Variants in TMEM178B observed in about 807,000 individuals in gnomAD.
TMEM178B encodes transmembrane protein 178B.
TMEM178B carries 5 observed loss-of-function variants against 31.0 expected under a neutral mutation model. The ratio of observed to expected loss-of-function variants is 0.16; its 90% CI spans 0.08 to 0.34. The LOEUF is 0.34. Among genes scored for constraint, TMEM178B ranks in the 10% least tolerant of loss-of-function variants. The pLI, the probability that TMEM178B is intolerant of heterozygous loss-of-function variation, is 1.00. For synonymous variants in TMEM178B, 164 were observed against 164.0 expected, an observed-to-expected ratio of 1.00 and a Z score of 0.00; for missense variants, 275 against 400.3, an observed-to-expected ratio of 0.69 and a Z score of 2.67.
chr7:141,245,123 A>T (rs1364541816), intron 2 of TMEM178B, among the ~76,000 whole-genome samples: 2 of 128,850 alleles, frequency 1.6e-5, no homozygotes, highest in Non-Finnish European at 3.2e-5. Flanking sequence ...AGATCGCACC[A>T]CTGGACTCCG....
At chr7:141,161,361 C>G (rs534935440) in intron 1 of TMEM178B, among the ~76,000 whole-genome samples, 1 of 151,912 alleles carries the variant, frequency 6.6e-6, no homozygotes, top group East Asian at 1.9e-4. Context: ...CAGAAAGGCT[C>G]GACGGGAAGG....
chr7:141,495,159 A>C, the TMEM178B span, among the ~76,000 whole-genome samples: 2 of 152,230 alleles, frequency 1.3e-5, no homozygotes, highest in African/African-American at 4.8e-5. Flanking sequence ...ATCCCAAAAT[A>C]GATTTCAGAG....
chr7:141,290,533 ATGTGCACACACACATACACG>A (rs777323776), intron 2 of TMEM178B, among the ~76,000 whole-genome samples: 1 of 84,350 alleles, frequency 1.2e-5, no homozygotes, highest in Non-Finnish European at 4.0e-5. Context: ...ACACATACAC[ATGTGCACACACACATACACG>A]TGCATGCACA....
chr7:141,152,918 T>C (rs1485087154), intron 1 of TMEM178B, among the ~76,000 whole-genome samples: 1 of 152,270 alleles, frequency 6.6e-6, no homozygotes, highest in African/African-American at 2.4e-5. Flanking sequence ...ACAGAGATTA[T>C]TTTATTTAAT....
At chr7:141,423,778 TAAG>T (rs1586950541) in intron 2 of TMEM178B, among the ~76,000 whole-genome samples, 3 of 151,064 alleles carry the variant, frequency 2.0e-5, no homozygotes, top group South Asian at 2.1e-4. Flanking sequence ...CAGATTTGAG[TAAG>T]AAGATTTCTA....
intron 2 of TMEM178B, among the ~76,000 whole-genome samples, chr7:141,380,772 A>C (rs1800300865): frequency 6.6e-6 from 1 of 152,204 alleles, no homozygotes; most frequent in Non-Finnish European, 1.5e-5. Context: ...AGTCATTCTC[A>C]GCTATAGTAG....
chr7:141,463,021 CTG>C (rs1422807921), intron 3 of TMEM178B, among the ~76,000 whole-genome samples: 1 of 152,174 alleles, frequency 6.6e-6, no homozygotes, highest in African/African-American at 2.4e-5. Context: ...GACGGGGACA[CTG>C]GAGCTCAGGG....
chr7:141,259,762 G>A (rs146142054), intron 2 of TMEM178B, among the ~76,000 whole-genome samples: 1 of 152,322 alleles, frequency 6.6e-6, no homozygotes, highest in African/African-American at 2.4e-5. Context: ...CCAGCAATTG[G>A]TCAGAGGCTA....
intron 3 of TMEM178B, among the ~76,000 whole-genome samples, chr7:141,456,804 G>T (rs1403751034): frequency 1.3e-5 from 2 of 152,192 alleles, no homozygotes; most frequent in Admixed American, 1.3e-4. Flanking sequence ...GGGGCAGGAA[G>T]ATGGCACGCT....
intron 3 of TMEM178B, among the ~76,000 whole-genome samples, chr7:141,454,333 C>A (rs1210431789): frequency 6.6e-6 from 1 of 152,076 alleles, no homozygotes; most frequent in Non-Finnish European, 1.5e-5. Context: ...AGGATGCAGA[C>A]TCCAGCTTTT....
intron 1 of TMEM178B, among the ~76,000 whole-genome samples, chr7:141,133,303 G>A (rs937809613): frequency 8.6e-5 from 13 of 151,952 alleles, no homozygotes; most frequent in African/African-American, 3.1e-4. Context: ...AACTCAATAA[G>A]ATACAAGAGA....
chr7:141,131,135 A>G (rs1795588439), intron 1 of TMEM178B, among the ~76,000 whole-genome samples: 1 of 152,098 alleles, frequency 6.6e-6, no homozygotes, highest in South Asian at 2.1e-4. Context: ...TTGTTTTTGA[A>G]TCTCAGAAGG....
intron 2 of TMEM178B, among the ~76,000 whole-genome samples, chr7:141,218,087 C>G (rs950054320): frequency 6.6e-6 from 1 of 151,976 alleles, no homozygotes; most frequent in Non-Finnish European, 1.5e-5. Flanking sequence ...CCCCCAACCC[C>G]GCAGACACAC....
chr7:141,433,593 C>T (rs768965135), intron 2 of TMEM178B, among the ~76,000 whole-genome samples: 1 of 152,046 alleles, frequency 6.6e-6, no homozygotes, highest in Non-Finnish European at 1.5e-5. Flanking sequence ...TTCAATCGGC[C>T]GTTATAACCC....
intron 2 of TMEM178B, among the ~76,000 whole-genome samples, chr7:141,355,763 A>C (rs1355751594): frequency 2.0e-5 from 3 of 152,182 alleles, no homozygotes; most frequent in African/African-American, 7.2e-5. Flanking sequence ...GTTTGTTACA[A>C]GGGTATGTGT....
Position 141,474,213 on chromosome 7 carries a change from T to C in TMEM178B, c.*3427T>C, listed in dbSNP as rs563998864. ...CCTTGAGATTCAGGAAAGTGAGGTATTCTACCTAGAGAGAGGTCCCATATC... is the reference window on the plus strand; with the variant it reads ...CCTTGAGATTCAGGAAAGTGAGGTACTCTACCTAGAGAGAGGTCCCATATC... On this transcript the variant is annotated 3_prime_UTR_variant, in exon 4 of 4. Transcript: ENST00000565468. The C allele has an allele frequency of 3.3e-5, 5 of 152,240 alleles. No individual in the cohort carries two copies. Among genetic ancestry groups the C allele is most frequent in the South Asian group, 4.1e-4 (2 of 4,834 alleles). The allele number at this position is 152,240 out of a possible 1,614,324, so 9.4% of individuals were successfully genotyped here. A position where few individuals can be genotyped will look rare whatever the true frequency, so the allele number is the denominator to read the frequency against.
At chr7:141,182,250 G>A (rs1278844238) in intron 1 of TMEM178B, among the ~76,000 whole-genome samples, 1 of 152,136 alleles carries the variant, frequency 6.6e-6, no homozygotes, top group East Asian at 1.9e-4. Flanking sequence ...GAGAAGGCCT[G>A]CATAACTAAG....
At chr7:141,210,387 C>T (rs573827390) in intron 1 of TMEM178B, among the ~76,000 whole-genome samples, 25 of 151,942 alleles carry the variant, frequency 1.6e-4, no homozygotes, top group South Asian at 4.2e-4. Flanking sequence ...TGCTTGAACC[C>T]GGGAGGCGGA....
At chr7:141,168,764 T>C (rs1053308621) in intron 1 of TMEM178B, among the ~76,000 whole-genome samples, 5 of 151,996 alleles carry the variant, frequency 3.3e-5, no homozygotes, top group African/African-American at 1.2e-4. Context: ...AGGGAGACTC[T>C]GTCCCCCAAA....
Sources: gnomAD v4.1 joint callset for allele counts (sites outside exome capture counted in the v4.1 genomes callset) on GRCh38, gnomAD v4.1.1 for gene constraint, MANE v1.5 for transcripts, NCBI Gene and HGNC (gene_info 2026-07-23, HGNC 2026-07-21) for gene names.